Variants in ANKRD11 observed in about 807,000 individuals in gnomAD.
ANKRD11 encodes ankyrin repeat domain-containing protein 11.
ANKRD11 carries 17 observed loss-of-function variants against 195.7 expected under a neutral mutation model. That is an observed-to-expected ratio of 0.09 (90% CI 0.06 to 0.13). The LOEUF is 0.13. ANKRD11 is among the 10% of genes least tolerant of loss of function. The pLI, the probability that ANKRD11 is intolerant of heterozygous loss-of-function variation, is 1.00. For synonymous variants in ANKRD11, 1,953 were observed against 1,528.1 expected, an observed-to-expected ratio of 1.28 and a Z score of -6.49; for missense variants, 3,735 against 3,566.1, an observed-to-expected ratio of 1.05 and a Z score of -1.21.
At chr16:89,337,600 A>T (rs1203244671) in intron 2 of ANKRD11, among the ~76,000 whole-genome samples, 2 of 151,554 alleles carry the variant, frequency 1.3e-5, no homozygotes, top group African/African-American at 2.4e-5. Context: ...CCATGCCCAG[A>T]TAATTTTTTT....
chr16:89,338,885 A>G (rs1567669864), intron 2 of ANKRD11, among the ~76,000 whole-genome samples: 1 of 152,156 alleles, frequency 6.6e-6, no homozygotes, highest in Non-Finnish European at 1.5e-5. Flanking sequence ...CTTGGAGCAA[A>G]ATAAGCCTAA....
In ANKRD11 at chr16:89,488,751, T is replaced by C. The variant is rs538414916; in HGVS notation, c.-145+1494A>G. Among the ~76,000 whole-genome samples, 7 of 152,332 alleles carry C rather than the reference T, an allele frequency of 4.6e-5. No individual in the cohort carries two copies. In the East Asian group the frequency reaches 1.2e-3, roughly 25 times the overall value. On this transcript the variant is annotated intron_variant, in intron 1 of 12. Transcript: ENST00000301030. ...TCAAAAGATTCTCTAAGTTTTGCAG[T>C]TCAACAACTGTGCACACTTTTATTT...
At chr16:89,354,243 CAAAAAAAAAAA>C (rs5818711) in intron 2 of ANKRD11, among the ~76,000 whole-genome samples, 2 of 126,240 alleles carry the variant, frequency 1.6e-5, no homozygotes, top group Admixed American at 7.9e-5. Context: ...TGCATTCAGC[CAAAAAAAAAAA>C]AAAAAAGAAA....
At chr16:89,366,795 A>G (rs1437023714) in intron 2 of ANKRD11, among the ~76,000 whole-genome samples, 1 of 152,236 alleles carries the variant, frequency 6.6e-6, no homozygotes, top group African/African-American at 2.4e-5. Flanking sequence ...GGGGGCACCC[A>G]GGGCAGGGGT....
chr16:89,326,720 T>C (rs2037744809), intron 2 of ANKRD11, among the ~76,000 whole-genome samples: 1 of 151,946 alleles, frequency 6.6e-6, no homozygotes, highest in African/African-American at 2.4e-5. Flanking sequence ...CCAACCTTGG[T>C]GACAGAGCAA....
intron 2 of ANKRD11, among the ~76,000 whole-genome samples, chr16:89,358,868 C>A (rs914369130): frequency 6.6e-6 from 1 of 152,046 alleles, no homozygotes; most frequent in Non-Finnish European, 1.5e-5. Flanking sequence ...CTCTGCTGCC[C>A]AGGCTGGAGC....
At position 89,283,867 on chromosome 16, in the gene ANKRD11, C is replaced by A; in HGVS notation, c.2675G>T (p.Ser892Ile). The A allele has an allele frequency of 6.2e-7, 1 of 1,614,156 alleles. No homozygotes were observed. The highest frequency in any genetic ancestry group is 8.5e-7 in the Non-Finnish European group (1 of 1,180,040). ...KEDSKERRRDSRAREKRDYRE... is the reference protein window; with the variant it reads ...KEDSKERRRDIRAREKRDYRE... The stretch of plus-strand genomic sequence containing the variant: ...GTAGTCTCGCTTCTCCCGGGCCCGG[C>A]TGTCCCGCCTCCTCTCCTTGCTGTC... Residue 892 changes from serine to isoleucine, a missense_variant, in exon 9 of 13, where the codon AGC becomes ATC. Ser to Ile is a moderately radical substitution (Grantham distance 142). Coordinates refer to ENST00000301030, the MANE Select transcript of ANKRD11 (RefSeq NM_013275.6). The surrounding 1 kb of genome is among the most constrained non-coding windows in gnomAD (Gnocchi z 4.3).
Position 89,282,977 on chromosome 16 carries a change from C to G in ANKRD11, c.3565G>C (p.Gly1189Arg), listed in dbSNP as rs1313912747. The change falls in exon 9 of 13, where the codon GGG becomes CGG. Residue 1189 changes from glycine to arginine, a missense_variant. Coordinates refer to ENST00000301030, the MANE Select transcript of ANKRD11 (RefSeq NM_013275.6). Reference sequence around the variant, plus strand: ...TTGTCTCTCCCCGCGTCGGCAGCCCCTCGGTCCTTTCTCCTGTCTCTGGGC... The same window carrying G: ...TTGTCTCTCCCCGCGTCGGCAGCCCGTCGGTCCTTTCTCCTGTCTCTGGGC... ...KEPRDRRKDR[G>R]AADAGRDKKE... 1.9e-6 allele frequency: 3 copies of G among 1,613,716 alleles called. No individual in the cohort carries two copies. The highest frequency in any genetic ancestry group is 1.1e-5 in the South Asian group (1 of 91,082).
intron 1 of ANKRD11, among the ~76,000 whole-genome samples, chr16:89,442,666 C>A (rs935294665): frequency 3.3e-5 from 5 of 152,216 alleles, no homozygotes; most frequent in African/African-American, 1.2e-4. Flanking sequence ...CCCACAAAGG[C>A]CAGGTGCTGA....
intron 3 of ANKRD11, among the ~76,000 whole-genome samples, chr16:89,307,282 G>A (rs1784577765): frequency 2.0e-5 from 3 of 152,170 alleles, no homozygotes; most frequent in South Asian, 4.1e-4. Context: ...CCCCAGCCAC[G>A]GTCCTGCCTC....
In ANKRD11 at chr16:89,280,368, A is replaced by C. The variant is rs1180350170; in HGVS notation, c.6174T>G (p.Pro2058=). 1 of 1,558,908 alleles carries C rather than the reference A, an allele frequency of 6.4e-7. No individual in the cohort carries two copies. The highest frequency in any genetic ancestry group is 8.7e-7 in the Non-Finnish European group (1 of 1,153,732). Residue 2058 remains proline (P), a synonymous_variant, in exon 9 of 13, where the codon CCT becomes CCG. Coordinates refer to ENST00000301030, the MANE Select transcript of ANKRD11 (RefSeq NM_013275.6). The part of the protein sequence containing the change: ...ISTSEAAPYA[P]PSGLESFFSN... Reference sequence around the variant, plus strand: ...TGAAGAAGGACTCCAGCCCGGAGGGAGGGGCGTAGGGAGCCGCCTCTGAGG... The same window carrying C: ...TGAAGAAGGACTCCAGCCCGGAGGGCGGGGCGTAGGGAGCCGCCTCTGAGG...
intron 1 of ANKRD11, among the ~76,000 whole-genome samples, chr16:89,463,141 C>A (rs1452921139): frequency 6.6e-6 from 1 of 152,124 alleles, no homozygotes; most frequent in Non-Finnish European, 1.5e-5. Flanking sequence ...TGAGGAGCCC[C>A]TCTGCCCGGC....
At chr16:89,392,914 A>G (rs1261055361) in intron 2 of ANKRD11, among the ~76,000 whole-genome samples, 1 of 151,966 alleles carries the variant, frequency 6.6e-6, no homozygotes, top group Admixed American at 6.6e-5. Flanking sequence ...CCACCTTGGG[A>G]CCTGCCTGCA....
At chr16:89,346,418 A>C (rs192214804) in intron 2 of ANKRD11, among the ~76,000 whole-genome samples, 47 of 152,304 alleles carry the variant, frequency 3.1e-4, no homozygotes, top group African/African-American at 1.1e-3. Context: ...AACATATAAA[A>C]TCATCCAATA....
intron 3 of ANKRD11, among the ~76,000 whole-genome samples, chr16:89,315,508 C>T (rs1220453019): frequency 6.6e-6 from 1 of 152,126 alleles, no homozygotes; most frequent in Non-Finnish European, 1.5e-5. Context: ...ACCACCAAAC[C>T]CTGACTCTCC....
At chr16:89,470,269 TACTC>T (rs1419720876) in intron 1 of ANKRD11, among the ~76,000 whole-genome samples, 1 of 152,042 alleles carries the variant, frequency 6.6e-6, no homozygotes, top group Non-Finnish European at 1.5e-5. Flanking sequence ...TGAAGTAACT[TACTC>T]ATGGTCATAG....
At chr16:89,338,567 A>G (rs572315562) in intron 2 of ANKRD11, among the ~76,000 whole-genome samples, 22 of 151,902 alleles carry the variant, frequency 1.4e-4, no homozygotes, top group Non-Finnish European at 3.1e-4. Flanking sequence ...TCTACTAAAA[A>G]TACAAAAATT....
chr16:89,387,332 T>C (rs753708313), intron 2 of ANKRD11, among the ~76,000 whole-genome samples: 1 of 151,692 alleles, frequency 6.6e-6, no homozygotes, highest in Non-Finnish European at 1.5e-5. Context: ...AGCAGAGGGA[T>C]AGTCAGGCCT....
chr16:89,300,789 C>T lies in ANKRD11; in HGVS notation c.226+4417G>A, dbSNP rs940676075. 4.4e-6 allele frequency: 3 copies of T among 686,642 alleles called. No homozygotes were observed. The African/African-American group carries it at 5.3e-5, about 12-fold the overall frequency. 42.5% of individuals were successfully genotyped at this position (686,642 alleles called of 1,614,324 possible). A position where few individuals can be genotyped will look rare whatever the true frequency, so the allele number is the denominator to read the frequency against. On this transcript the variant is annotated intron_variant, in intron 4 of 12. Coordinates refer to ENST00000301030, the MANE Select transcript of ANKRD11 (RefSeq NM_013275.6). The stretch of plus-strand genomic sequence containing the variant: ...TGGCAGCACTGCAGAGAGCACACCC[C>T]AGGCACCAGAGACCAGGGTGTCATT...
Sources: gnomAD v4.1 joint callset for allele counts (sites outside exome capture counted in the v4.1 genomes callset) on GRCh38, gnomAD v4.1.1 for gene constraint, Gnocchi (gnomAD v3.1) non-coding constraint, MANE v1.5 for transcripts, NCBI Gene and HGNC (gene_info 2026-07-23, HGNC 2026-07-21) for gene names.